MFRP: variants seen among roughly 807,000 people sequenced by gnomAD.
MFRP encodes the protein membrane frizzled-related protein.
MFRP carries 74 observed loss-of-function variants against 65.8 expected under a neutral mutation model. The ratio of observed to expected loss-of-function variants is 1.12; its 90% confidence interval spans 0.93 to 1.36. The LOEUF is 1.36. Among genes scored for constraint, MFRP ranks in the 40% most tolerant of loss-of-function variants. The probability of loss-of-function intolerance (pLI) is 0.00; values close to 1 mark genes in which losing one functional copy is unlikely to be tolerated. For synonymous variants in MFRP, 336 were observed against 288.3 expected (o/e 1.17, Z -1.68); for missense variants, 838 against 736.0 (o/e 1.14, Z -1.60).
In MFRP at chr11:119,339,815, C is replaced by T. The variant is rs577592067; in HGVS notation, c.*1144G>A. 5 of 1,520,486 alleles carry T rather than the reference C, an allele frequency of 3.3e-6. No individual in the cohort carries two copies. The South Asian group carries it at 3.7e-5, about 11-fold the overall frequency. The allele number at this position is 1,520,486 out of a possible 1,614,324, so 94.2% of individuals were successfully genotyped here. The stretch of plus-strand genomic sequence containing the variant: ...GGGCCCCGCGGGTCCCGCCTCTCCT[C>T]GCGGCCCGGGGTCCCCTCGAGGTCC... On this transcript the variant is annotated 3_prime_UTR_variant, in exon 15 of 15. Transcript: ENST00000619721. The surrounding 1 kb of genome is among the most constrained non-coding windows in gnomAD (Gnocchi z 5.4).
At chr11:119,340,038 G>A (rs571601366) in intron 14 of MFRP, 146 bp downstream of exon 14, 2 of 1,248,798 alleles carry the variant, frequency 1.6e-6, no homozygotes, top group South Asian at 1.7e-5. Context: ...GGCTCCCGCC[G>A]CCTGGGCCCC....
chr11:119,340,216 G>T lies in MFRP; in HGVS notation c.*1078C>A. The stretch of plus-strand genomic sequence containing the variant: ...CCCGCCCTCGCCTTTCTCTCCCGGA[G>T]CCCCGGGCGCGCCGTCGCGGCCGTC... On this transcript the variant is annotated 3_prime_UTR_variant, in exon 14 of 15. Coordinates refer to ENST00000619721, the MANE Select transcript of MFRP (RefSeq NM_031433.4). 3 of 1,514,048 alleles carry T rather than the reference G, an allele frequency of 2.0e-6. No individual in the cohort carries two copies. The highest frequency in any genetic ancestry group is 2.6e-6 in the Non-Finnish European group (3 of 1,133,940). 93.8% of individuals were successfully genotyped at this position (1,514,048 alleles called of 1,614,324 possible). A position where few individuals can be genotyped will look rare whatever the true frequency, so the allele number is the denominator to read the frequency against.
Position 119,346,605 on chromosome 11 carries a change from G to A in MFRP, c.-92C>T, listed in dbSNP as rs1950574104. The A allele has an allele frequency of 2.3e-6, 3 of 1,300,352 alleles. No individual in the cohort carries two copies. Among genetic ancestry groups the A allele is most frequent in the South Asian group, 2.4e-5 (2 of 83,830 alleles). 80.6% of individuals were successfully genotyped at this position (1,300,352 alleles called of 1,614,324 possible). A position where few individuals can be genotyped will look rare whatever the true frequency, so the allele number is the denominator to read the frequency against. On this transcript the variant is annotated 5_prime_UTR_variant, in exon 1 of 15. Coordinates refer to ENST00000619721, the MANE Select transcript of MFRP (RefSeq NM_031433.4). ...CTGACCACAAACTCCCTGTCAGAGGGGCAGCCTCTACTACCCGAGGGAAAA... is the reference window on the plus strand; with the variant it reads ...CTGACCACAAACTCCCTGTCAGAGGAGCAGCCTCTACTACCCGAGGGAAAA...
intron 11 of MFRP, 125 bp from the exon 12 acceptor site, chr11:119,342,109 G>T: frequency 8.5e-7 from 1 of 1,177,896 alleles, no homozygotes; most frequent in Non-Finnish European, 1.2e-6. Context: ...GAGGAAGCAA[G>T]AGGATAACAA....
Position 119,339,529 on chromosome 11 carries a change from G to T in MFRP, c.*1430C>A. 1 of 1,613,668 alleles carries T rather than the reference G, an allele frequency of 6.2e-7. No homozygotes were observed. Among genetic ancestry groups the T allele is most frequent in the Non-Finnish European group, 8.5e-7 (1 of 1,180,032 alleles). On this transcript the variant is annotated 3_prime_UTR_variant, in exon 15 of 15. Transcript: ENST00000619721. This position sits in a 1 kb window ranked among gnomAD's most constrained non-coding sequence, Gnocchi z 5.4. The stretch of plus-strand genomic sequence containing the variant: ...TGGGCCACCCCCCGAAAAACTGGAA[G>T]AAAGAGGCAATGGATTCGCCATTCT...
Position 119,341,145 on chromosome 11 carries a change from C to T in MFRP, c.*403G>A, listed in dbSNP as rs1950499108. On this transcript the variant is annotated 3_prime_UTR_variant, in exon 13 of 15. Coordinates refer to ENST00000619721, the MANE Select transcript of MFRP (RefSeq NM_031433.4). ...AGATGAGGGTGGAGAGTTCTAGAGG[C>T]AGACAGCCAGTTGGATCCCTAGGGC... 1 of 246,298 alleles carries T rather than the reference C, an allele frequency of 4.1e-6. No individual in the cohort carries two copies. Among genetic ancestry groups the T allele is most frequent in the Non-Finnish European group, 8.0e-6 (1 of 124,438 alleles). 15.3% of individuals were successfully genotyped at this position (246,298 alleles called of 1,614,324 possible).
Position 119,340,381 on chromosome 11 carries a change from A to T in MFRP, c.*913T>A, listed in dbSNP as rs1565291596. On this transcript the variant is annotated 3_prime_UTR_variant, in exon 14 of 15. Transcript: ENST00000619721. The stretch of plus-strand genomic sequence containing the variant: ...GGCCGCCAGGCCCAGGAGCAGCAGG[A>T]CGAGGAGTGGCCTCATAGCGCTGGC... 7.1e-6 allele frequency: 11 copies of T among 1,545,454 alleles called. No individual in the cohort carries two copies. The highest frequency in any genetic ancestry group is 9.6e-6 in the Non-Finnish European group (11 of 1,146,078).
At position 119,341,092 on chromosome 11, in the gene MFRP, A is replaced by C. The variant is rs1314738116; in HGVS notation, c.*456T>G. 1 of 206,410 alleles carries C rather than the reference A, an allele frequency of 4.8e-6. No homozygotes were observed. The highest frequency in any genetic ancestry group is 9.9e-6 in the Non-Finnish European group (1 of 100,772). The allele number at this position is 206,410 out of a possible 1,614,324, so 12.8% of individuals were successfully genotyped here. ...GGCAGTGGCAGAGACCAAGGACCAGACCCCATTTCAGGGAGAAATACGCAG... is the reference window on the plus strand; with the variant it reads ...GGCAGTGGCAGAGACCAAGGACCAGCCCCCATTTCAGGGAGAAATACGCAG... On this transcript the variant is annotated 3_prime_UTR_variant, in exon 13 of 15. Transcript: ENST00000619721.
rs961199493 is a variant in MFRP at position 119,340,452 on chromosome 11, G to T, written c.*854-12C>A. Reference sequence around the variant, plus strand: ...GGTCCTCTCGCAGTCTGTGGACCAGGCAGGACTGGAGTCGGGACCCAGAAT... The same window carrying T: ...GGTCCTCTCGCAGTCTGTGGACCAGTCAGGACTGGAGTCGGGACCCAGAAT... On this transcript the variant is annotated splice_polypyrimidine_tract_variant and intron_variant, in intron 13 of 14. Coordinates refer to ENST00000619721, the MANE Select transcript of MFRP (RefSeq NM_031433.4). The T allele has an allele frequency of 2.0e-6, 3 of 1,514,618 alleles. No homozygotes were observed. The highest frequency in any genetic ancestry group is 1.4e-5 in the African/African-American group (1 of 72,014). 93.8% of individuals were successfully genotyped at this position (1,514,618 alleles called of 1,614,324 possible).
chr11:119,343,926 G>A lies in MFRP; in HGVS notation c.1014C>T (p.Ser338=). 1 of 1,613,626 alleles carries A rather than the reference G, an allele frequency of 6.2e-7. No individual in the cohort carries two copies. Among genetic ancestry groups the A allele is most frequent in the Non-Finnish European group, 8.5e-7 (1 of 1,179,978 alleles). The change falls in exon 9 of 15, where the codon AGC becomes AGT. Residue 338 remains serine, a synonymous_variant. Transcript: ENST00000619721. ...TGAAGTTGTGGAACTGTAGTTCTATGCTGTGTCCGGCAGGCACCGAGATAT... is the reference window on the plus strand; with the variant it reads ...TGAAGTTGTGGAACTGTAGTTCTATACTGTGTCCGGCAGGCACCGAGATAT... ...TWHISVPAGH[S]IELQFHNFSL... is the part of the protein sequence containing the mutation.
Position 119,341,447 on chromosome 11 carries a change from G to A in MFRP, c.*101C>T, listed in dbSNP as rs1950501379. On this transcript the variant is annotated 3_prime_UTR_variant, in exon 13 of 15. Transcript: ENST00000619721. ...CTCCCTGGGAGCCCCAGAGAAGGAT[G>A]GGTAGAGACCCTGCTGATGCTCCTT... 1.1e-5 allele frequency: 11 copies of A among 996,978 alleles called. No homozygotes were observed. Among genetic ancestry groups the A allele is most frequent in the Non-Finnish European group, 1.7e-5 (11 of 666,360 alleles). 61.8% of individuals were successfully genotyped at this position (996,978 alleles called of 1,614,324 possible). A position where few individuals can be genotyped will look rare whatever the true frequency, so the allele number is the denominator to read the frequency against.
intron 11 of MFRP, among the ~76,000 whole-genome samples, chr11:119,342,352 G>A (rs1950510684): frequency 6.6e-6 from 1 of 152,220 alleles, no homozygotes; most frequent in Non-Finnish European, 1.5e-5. Flanking sequence ...AGAAGGGACT[G>A]GTTCTTGAAG....
chr11:119,342,648 G>C lies in MFRP; in HGVS notation c.1335C>G (p.Asp445Glu). ...GVQWMCDMWR[D>E]CTDGSDDNCS... ...AGTTGTCATCGCTGCCATCGGTGCA[G>C]TCTCTCCACATGTCACACATCCACT... The change falls in exon 11 of 15, where the codon GAC (aspartate) becomes GAG (glutamate). Residue 445 changes from aspartate (D) to glutamate (E), a missense_variant. Asp to Glu is a conservative substitution (Grantham distance 45). Coordinates refer to ENST00000619721, the MANE Select transcript of MFRP (RefSeq NM_031433.4). 6.2e-7 allele frequency: 1 copy of C among 1,613,686 alleles called. No homozygotes were observed.
In MFRP at chr11:119,345,732, T is replaced by C. The variant is rs773630667; in HGVS notation, c.427+41A>G. 16 of 1,612,916 alleles carry C rather than the reference T, an allele frequency of 9.9e-6. No homozygotes were observed. In the East Asian group the frequency reaches 3.6e-4, roughly 36 times the overall value. ...CCCTCCCCTCAACCCCACCCCGTCATCTTGGGCCCTTCTCCCGGAAGATCT... is the reference window on the plus strand; with the variant it reads ...CCCTCCCCTCAACCCCACCCCGTCACCTTGGGCCCTTCTCCCGGAAGATCT... On this transcript the variant is annotated intron_variant, in intron 4 of 14. Transcript: ENST00000619721.
Position 119,346,530 on chromosome 11 carries a change from T to C in MFRP, c.-17A>G, listed in dbSNP as rs893958597. 5.0e-6 allele frequency: 8 copies of C among 1,613,812 alleles called. No individual in the cohort carries two copies. The highest frequency in any genetic ancestry group is 6.8e-6 in the Non-Finnish European group (8 of 1,179,926). On this transcript the variant is annotated 5_prime_UTR_variant, in exon 1 of 15. The change abolishes an upstream ATG in the 5' untranslated region. Coordinates refer to ENST00000619721, the MANE Select transcript of MFRP (RefSeq NM_031433.4). ...GTCCTTCATGGCACAAGGCTCTGCA[T>C]GGCTTTCTGGAGTCCCTGTGACAGC... is the stretch of plus-strand genomic sequence containing the variant.
intron 7 of MFRP, 111 bp downstream of exon 7, chr11:119,344,519 CTG>C: frequency 6.3e-7 from 1 of 1,591,980 alleles, no homozygotes; most frequent in Non-Finnish European, 8.6e-7. Context: ...CAAAGAATGA[CTG>C]AGCAGGAAAT....
At chr11:119,340,042 G>A in intron 14 of MFRP, 142 bp downstream of exon 14, 1 of 1,254,708 alleles carries the variant, frequency 8.0e-7, no homozygotes, top group African/African-American at 1.6e-5. Flanking sequence ...CCCGCCGCCT[G>A]GGCCCCTCCC....
chr11:119,342,468 C>A, intron 11 of MFRP, 128 bp downstream of exon 11: 1 of 1,244,318 alleles, frequency 8.0e-7, no homozygotes, highest in Non-Finnish European at 1.1e-6. Flanking sequence ...GTCCCAGAGT[C>A]AGGATGGTGA....
chr11:119,342,061 C>T (rs943332990), intron 11 of MFRP, 77 bp from the exon 12 acceptor site: 37 of 1,588,006 alleles, frequency 2.3e-5, no homozygotes, highest in African/African-American at 1.2e-4. Flanking sequence ...CCGAATCGCT[C>T]GGTCCTGTGT....
Sources: gnomAD v4.1 joint callset for allele counts (sites outside exome capture counted in the v4.1 genomes callset) on GRCh38, gnomAD v4.1.1 for gene constraint, Gnocchi (gnomAD v3.1) non-coding constraint, MANE v1.5 for transcripts, NCBI Gene and HGNC (gene_info 2026-07-23, HGNC 2026-07-21) for gene names.